Variants in ANXA6 observed in about 807,000 individuals in gnomAD.
ANXA6 encodes 67 kDa calelectrin.
A neutral mutation model predicts 95.4 loss-of-function variants in ANXA6; 71 were observed. The observed-to-expected ratio is 0.74, with a 90% confidence interval of 0.61 to 0.91. The LOEUF is 0.91. Ranked by LOEUF, ANXA6 falls within the 40% of genes least tolerant of loss-of-function variation. The pLI is 0.00. For synonymous variants in ANXA6, 289 were observed against 315.9 expected, an observed-to-expected ratio of 0.91 and a Z score of 0.90; for missense variants, 830 against 876.4, an observed-to-expected ratio of 0.95 and a Z score of 0.67.
intron 20 of ANXA6, among the ~76,000 whole-genome samples, chr5:151,115,083 A>G (rs1008930768): frequency 6.6e-6 from 1 of 152,242 alleles, no homozygotes; most frequent in African/African-American, 2.4e-5. Flanking sequence ...CTGGTTAAAT[A>G]ACATGGTAGA....
At chr5:151,102,042 G>C (rs940445968) in intron 25 of ANXA6, among the ~76,000 whole-genome samples, 5 of 152,198 alleles carry the variant, frequency 3.3e-5, no homozygotes, top group Non-Finnish European at 5.9e-5. Context: ...TAACTGCCAA[G>C]CCATTGCTGG....
intron 7 of ANXA6, among the ~76,000 whole-genome samples, chr5:151,135,972 C>T (rs780884837): frequency 2.6e-5 from 4 of 152,128 alleles, no homozygotes; most frequent in Admixed American, 2.0e-4. Context: ...CACAGGAATG[C>T]TGGGGTCCAG....
chr5:151,134,878 G>C (rs575892129), intron 7 of ANXA6, among the ~76,000 whole-genome samples: 1 of 152,322 alleles, frequency 6.6e-6, no homozygotes, highest in Non-Finnish European at 1.5e-5. Context: ...CAGGGGCAAA[G>C]GATCTGAACA....
At chr5:151,126,113 G>T (rs1315771129) in intron 14 of ANXA6, among the ~76,000 whole-genome samples, 1 of 152,096 alleles carries the variant, frequency 6.6e-6, no homozygotes, top group African/African-American at 2.4e-5. Context: ...CAACTGTTTC[G>T]ACTCCAGACG....
rs748712462 is a variant in ANXA6 at position 151,103,626 on chromosome 5, T to C, written c.1906A>G (p.Asn636Asp). ...TTCTCAATGAATTCCCTCCGGATGT[T>C]GAGCAGGTCAATCTCACTGCGGGAT... ...MVSRSEIDLL[N>D]IRREFIEKYD... Residue 636 changes from asparagine to aspartate, a missense_variant, in exon 25 of 26, where the codon AAC (asparagine) becomes GAC (aspartate). Asn to Asp is a conservative substitution (Grantham distance 23). Transcript: ENST00000354546. 1.2e-6 allele frequency: 2 copies of C among 1,612,088 alleles called. No homozygotes were observed. The highest frequency in any genetic ancestry group is 1.7e-6 in the Non-Finnish European group (2 of 1,179,144).
At chr5:151,102,723 A>C (rs1172277114) in intron 25 of ANXA6, among the ~76,000 whole-genome samples, 1 of 152,124 alleles carries the variant, frequency 6.6e-6, no homozygotes, top group African/African-American at 2.4e-5. Flanking sequence ...CAAACAAACA[A>C]AAAGTCAGAC....
intron 22 of ANXA6, among the ~76,000 whole-genome samples, chr5:151,109,432 C>T (rs1483062735): frequency 1.3e-5 from 2 of 152,236 alleles, no homozygotes; most frequent in Admixed American, 1.3e-4. Context: ...AATCATGACG[C>T]GGGACCCCAG....
At chr5:151,125,869 G>T (rs1490940843) in intron 14 of ANXA6, among the ~76,000 whole-genome samples, 1 of 152,086 alleles carries the variant, frequency 6.6e-6, no homozygotes. Context: ...GAGGGAGGGG[G>T]CACCTTCCAA....
chr5:151,148,051 A>G, intron 1 of ANXA6, 125 bp from the exon 2 acceptor site: 1 of 880,494 alleles, frequency 1.1e-6, no homozygotes, highest in Middle Eastern at 2.2e-4. Flanking sequence ...ATCAGACCCA[A>G]TGACCCAGCT....
At chr5:151,131,406 A>G (rs1203461704) in intron 10 of ANXA6, 117 bp from the exon 11 acceptor site, 1 of 1,048,348 alleles carries the variant, frequency 9.5e-7, no homozygotes, top group Non-Finnish European at 1.5e-6. Flanking sequence ...TACAGGAAGA[A>G]CCACCGTTCC....
chr5:151,110,754 A>G, intron 20 of ANXA6, 110 bp from the exon 21 acceptor site: 1 of 1,227,028 alleles, frequency 8.1e-7, no homozygotes, highest in Non-Finnish European at 1.2e-6. Flanking sequence ...CCTGGCTGGG[A>G]GTGGGAGAGG....
At chr5:151,107,048 T>C (rs1270476042) in intron 23 of ANXA6, among the ~76,000 whole-genome samples, 1 of 152,234 alleles carries the variant, frequency 6.6e-6, no homozygotes, top group Non-Finnish European at 1.5e-5. Context: ...AGCCTGTGGT[T>C]TGAGTCCTGG....
At chr5:151,135,254 C>T (rs992403130) in intron 7 of ANXA6, among the ~76,000 whole-genome samples, 10 of 152,114 alleles carry the variant, frequency 6.6e-5, no homozygotes, top group South Asian at 2.1e-4. Context: ...CAATGTGTGC[C>T]GCGCTGCTGC....
chr5:151,117,932 G>A, intron 18 of ANXA6, 95 bp from the exon 19 acceptor site: 1 of 977,404 alleles, frequency 1.0e-6, no homozygotes. Flanking sequence ...AGCCAGGGCA[G>A]TATTGGCAGG....
chr5:151,138,631 A>G, intron 5 of ANXA6, 47 bp downstream of exon 5: 1 of 1,417,308 alleles, frequency 7.1e-7, no homozygotes, highest in Non-Finnish European at 9.9e-7. Flanking sequence ...GAATCTTCCC[A>G]TTAACCACAT....
At chr5:151,124,773 C>A (rs748105513) in intron 14 of ANXA6, among the ~76,000 whole-genome samples, 47 of 152,196 alleles carry the variant, frequency 3.1e-4, no homozygotes, top group Non-Finnish European at 4.1e-4. Flanking sequence ...AAGAGTCATT[C>A]CCCCTGAAAA....
At chr5:151,141,013 C>T (rs1298408873) in intron 2 of ANXA6, among the ~76,000 whole-genome samples, 3 of 152,354 alleles carry the variant, frequency 2.0e-5, no homozygotes, top group Non-Finnish European at 4.4e-5. Context: ...CAAGGCACTG[C>T]CCCTCTGGGC....
At chr5:151,102,582 C>T (rs572473463) in intron 25 of ANXA6, among the ~76,000 whole-genome samples, 12 of 152,222 alleles carry the variant, frequency 7.9e-5, no homozygotes, top group African/African-American at 2.9e-4. Flanking sequence ...TGCATGCCTG[C>T]AGTCCCAGCT....
intron 6 of ANXA6, among the ~76,000 whole-genome samples, chr5:151,136,881 C>T (rs1765679258): frequency 6.6e-6 from 1 of 152,220 alleles, no homozygotes; most frequent in Non-Finnish European, 1.5e-5. Flanking sequence ...CTCATTTCCT[C>T]CCAAGACCTC....
Sources: allele counts gnomAD v4.1 joint callset (sites outside exome capture counted in the v4.1 genomes callset), GRCh38; gene constraint gnomAD v4.1.1; transcripts MANE v1.5; gene names NCBI Gene and HGNC (gene_info 2026-07-23, HGNC 2026-07-21).